The following FRMPD4 variants were observed in gnomAD, a reference collection of about 807,000 sequenced individuals.
FRMPD4 encodes the protein FERM and PDZ domain-containing protein 4.
FRMPD4 carries 22 observed loss-of-function variants against 94.1 expected under a neutral mutation model. The observed-to-expected ratio is 0.23, with a 90% confidence interval of 0.17 to 0.33. The LOEUF is 0.33. Ranked by LOEUF, FRMPD4 falls within the 10% of genes least tolerant of loss-of-function variation. The probability of loss-of-function intolerance (pLI) is 1.00; values close to 1 mark genes in which losing one functional copy is unlikely to be tolerated. For missense variants in FRMPD4, 1,111 were observed against 1,339.9 expected, an observed-to-expected ratio of 0.83 and a Z score of 2.67; for synonymous variants, 631 against 548.6, an observed-to-expected ratio of 1.15 and a Z score of -2.10.
intron 4 of FRMPD4, among the ~76,000 whole-genome samples, chrX:12,643,149 T>C (rs2059515512): frequency 9.1e-6 from 1 of 110,319 alleles, no homozygotes; most frequent in Non-Finnish European, 1.9e-5. Context: ...TCAGTTTTTT[T>C]TTTTTTGAGA....
At position 12,465,104 on chromosome X, in the gene FRMPD4, G is replaced by T. The variant is rs144433401; in HGVS notation, c.42-33576G>T. Among the ~76,000 whole-genome samples the T allele has an allele frequency of 8.5e-4, 95 of 111,278 alleles. No homozygotes were observed. The East Asian group carries it at 0.016, about 19-fold the overall frequency. ...TTAGAGAGTATTTTGAGTCATTATG[G>T]ACAGCATTTTTTTTCAAGTGATTGC... On this transcript the variant is annotated intron_variant, in intron 1 of 16. Transcript: ENST00000675598.
At chrX:12,459,439 C>T (rs1313361260) in intron 1 of FRMPD4, among the ~76,000 whole-genome samples, 1 of 111,104 alleles carries the variant, frequency 9.0e-6, no homozygotes, top group Non-Finnish European at 1.9e-5. Flanking sequence ...TCCATCTACC[C>T]ATAGTTTCCT....
intron 1 of FRMPD4, among the ~76,000 whole-genome samples, chrX:12,185,045 T>TC (rs1256908770): frequency 9.0e-6 from 1 of 111,088 alleles, no homozygotes; most frequent in East Asian, 2.8e-4. Flanking sequence ...GGAGGGATAC[T>TC]CCATTTTCTA....
chrX:11,834,837 T>A (rs2053493138), intron 1 of FRMPD4, among the ~76,000 whole-genome samples: 1 of 112,223 alleles, frequency 8.9e-6, no homozygotes, highest in Admixed American at 9.5e-5. Flanking sequence ...ATAGGCTGAA[T>A]GATTATACCT....
intron 3 of FRMPD4, among the ~76,000 whole-genome samples, chrX:12,060,948 T>G (rs186590695): frequency 8.9e-6 from 1 of 112,369 alleles, no homozygotes; most frequent in Non-Finnish European, 1.9e-5. Context: ...TCTTCCTGTG[T>G]GGTAGATAAG....
chrX:12,278,962 C>T (rs1455532286), intron 1 of FRMPD4, among the ~76,000 whole-genome samples: 1 of 112,090 alleles, frequency 8.9e-6, no homozygotes, highest in Non-Finnish European at 1.9e-5. Flanking sequence ...TTCCAATTGC[C>T]CCGTATATAT....
At chrX:12,708,128 G>T (rs148878893) in intron 13 of FRMPD4, among the ~76,000 whole-genome samples, 1,317 of 111,513 alleles carry the variant, frequency 0.012, 18 homozygotes, top group African/African-American at 0.039. Flanking sequence ...GGTAGCAATT[G>T]GTACTGACTG....
At chrX:12,175,953 T>C (rs766406503) in intron 1 of FRMPD4, among the ~76,000 whole-genome samples, 1 of 112,506 alleles carries the variant, frequency 8.9e-6, no homozygotes, top group African/African-American at 3.2e-5. Flanking sequence ...CAGATGCCTT[T>C]GTCCCACCTG....
At chrX:12,380,098 T>C (rs2056298814) in intron 1 of FRMPD4, among the ~76,000 whole-genome samples, 3 of 111,878 alleles carry the variant, frequency 2.7e-5, no homozygotes, top group African/African-American at 9.7e-5. Context: ...ATGATTTTGT[T>C]TGATGACACA....
intron 2 of FRMPD4, among the ~76,000 whole-genome samples, chrX:12,579,089 C>T (rs927344000): frequency 2.7e-5 from 3 of 112,173 alleles, no homozygotes; most frequent in Admixed American, 9.4e-5. Context: ...ATATTTCATC[C>T]AAGGTATAGA....
intron 1 of FRMPD4, among the ~76,000 whole-genome samples, chrX:12,152,461 T>C (rs1385687194): frequency 1.8e-5 from 2 of 111,225 alleles, no homozygotes; most frequent in African/African-American, 3.3e-5. Flanking sequence ...CTAATAAAAA[T>C]GGTATCAGAA....
intron 2 of FRMPD4, among the ~76,000 whole-genome samples, chrX:12,572,197 C>T (rs1333405430): frequency 4.5e-5 from 5 of 112,197 alleles, no homozygotes; most frequent in East Asian, 2.8e-4. Flanking sequence ...CAATAACAAA[C>T]GCTATTTGGT....
intron 3 of FRMPD4, among the ~76,000 whole-genome samples, chrX:11,951,080 A>G (rs1195644127): frequency 9.4e-6 from 1 of 106,717 alleles, no homozygotes; most frequent in Non-Finnish European, 1.9e-5. Flanking sequence ...AAAAAAAAAA[A>G]GGAAAAAAAC....
intron 1 of FRMPD4, among the ~76,000 whole-genome samples, chrX:12,155,303 GT>G (rs2055916619): frequency 8.9e-6 from 1 of 111,802 alleles, no homozygotes; most frequent in Admixed American, 9.5e-5. Flanking sequence ...CCGTATTCTG[GT>G]AGAAATATAT....
chrX:12,630,014 G>A (rs372536215), intron 4 of FRMPD4, among the ~76,000 whole-genome samples: 8 of 112,645 alleles, frequency 7.1e-5, no homozygotes, highest in Non-Finnish European at 5.6e-5. Flanking sequence ...TCAGCCTTGC[G>A]GCACTGAAAC....
At chrX:12,519,676 A>G (rs1865969442) in intron 2 of FRMPD4, among the ~76,000 whole-genome samples, 1 of 112,623 alleles carries the variant, frequency 8.9e-6, no homozygotes, top group Non-Finnish European at 1.9e-5. Context: ...GTTAATATTC[A>G]GAATATAAAA....
intron 1 of FRMPD4, among the ~76,000 whole-genome samples, chrX:12,184,677 A>C (rs1490825514): frequency 1.8e-5 from 2 of 112,195 alleles, no homozygotes; most frequent in Non-Finnish European, 3.8e-5. Context: ...ATTTGCAAAA[A>C]CATGGATGGA....
chrX:12,555,906 C>A (rs1485698223), intron 2 of FRMPD4, among the ~76,000 whole-genome samples: 1 of 111,234 alleles, frequency 9.0e-6, no homozygotes, highest in Non-Finnish European at 1.9e-5. Context: ...CCATTTTTTT[C>A]TTTCTTTTTA....
chrX:11,878,881 A>G (rs2053799123), intron 3 of FRMPD4, among the ~76,000 whole-genome samples: 3 of 112,128 alleles, frequency 2.7e-5, no homozygotes, highest in Admixed American at 1.9e-4. Flanking sequence ...GGCAATACAA[A>G]CATTATGTGC....
Sources: allele counts gnomAD v4.1 joint callset (sites outside exome capture counted in the v4.1 genomes callset), GRCh38; gene constraint gnomAD v4.1.1; transcripts MANE v1.5; gene names NCBI Gene and HGNC (gene_info 2026-07-23, HGNC 2026-07-21).